The following GRIK1 variants were observed in gnomAD, a reference collection of about 807,000 sequenced individuals.
GRIK1 encodes the protein glutamate ionotropic receptor kainate type subunit 1.
In GRIK1, 69 loss-of-function variants were observed where a neutral mutation model predicts 105.7. That is an observed-to-expected ratio of 0.65 (90% confidence interval 0.54 to 0.80). GRIK1 has a LOEUF of 0.80. GRIK1 is among the 30% of genes least tolerant of loss of function. The pLI is 0.00. For missense variants in GRIK1, 1,109 were observed against 1,167.3 expected, an observed-to-expected ratio of 0.95 and a Z score of 0.73; for synonymous variants, 438 against 431.3, an observed-to-expected ratio of 1.02 and a Z score of -0.19.
intron 7 of GRIK1, among the ~76,000 whole-genome samples, chr21:29,612,079 G>A (rs1366043125): frequency 3.3e-5 from 5 of 152,184 alleles, no homozygotes; most frequent in South Asian, 2.1e-4. Flanking sequence ...GTCTGCAGGA[G>A]TAGAAACAAA....
chr21:29,756,913 A>G (rs1458981319), intron 1 of GRIK1, among the ~76,000 whole-genome samples: 2 of 152,120 alleles, frequency 1.3e-5, no homozygotes, highest in South Asian at 2.1e-4. Context: ...CAGGAATTGC[A>G]GACCAGCCTG....
chr21:29,772,385 G>A (rs758567916), intron 1 of GRIK1, among the ~76,000 whole-genome samples: 12 of 152,134 alleles, frequency 7.9e-5, no homozygotes, highest in Non-Finnish European at 1.2e-4. Flanking sequence ...AACACTCAGG[G>A]ACAACCGTTT....
chr21:29,832,403 T>C (rs1055966314), intron 1 of GRIK1, among the ~76,000 whole-genome samples: 1 of 152,198 alleles, frequency 6.6e-6, no homozygotes, highest in Non-Finnish European at 1.5e-5. Flanking sequence ...ATTGCCCTAG[T>C]AGAAGTTCTC....
chr21:29,708,512 GT>G (rs1243723513), intron 1 of GRIK1, among the ~76,000 whole-genome samples: 5 of 152,224 alleles, frequency 3.3e-5, no homozygotes, highest in African/African-American at 1.2e-4. Context: ...ACTATTTCCG[GT>G]TCTTTCCCTT....
At chr21:29,659,587 T>C (rs1342277073) in intron 4 of GRIK1, among the ~76,000 whole-genome samples, 2 of 152,200 alleles carry the variant, frequency 1.3e-5, no homozygotes, top group Non-Finnish European at 2.9e-5. Context: ...GCCACAAGAC[T>C]ATTCCATTGT....
Position 29,547,750 on chromosome 21 carries a change from G to T in GRIK1, c.2607+7302C>A, listed in dbSNP as rs114202427. Among the ~76,000 whole-genome samples the T allele has an allele frequency of 7.7e-3, 1,163 of 152,000 alleles. 17 individuals are homozygous for T. Among genetic ancestry groups the T allele is most frequent in the African/African-American group, 0.027 (1,126 of 41,266 alleles). ...AATTAATGAATGTTTGAGTTTTCAG[G>T]CAAAGGAAAACCTCTTTGCACGATT... On this transcript the variant is annotated intron_variant, in intron 16 of 17. Transcript: ENST00000327783.
intron 1 of GRIK1, among the ~76,000 whole-genome samples, chr21:29,696,790 T>C (rs1379805064): frequency 6.6e-6 from 1 of 152,210 alleles, no homozygotes; most frequent in Non-Finnish European, 1.5e-5. Context: ...ATCACTGGCA[T>C]GGATGTGAGC....
chr21:29,573,366 G>T (rs1246692576), intron 14 of GRIK1, among the ~76,000 whole-genome samples: 2 of 152,168 alleles, frequency 1.3e-5, no homozygotes, highest in Admixed American at 6.5e-5. Flanking sequence ...TCGTAATGTA[G>T]TCATTCAGGG....
At chr21:29,564,676 A>G (rs577423570) in intron 14 of GRIK1, among the ~76,000 whole-genome samples, 122 of 152,166 alleles carry the variant, frequency 8.0e-4, no homozygotes, top group Non-Finnish European at 1.4e-3. Flanking sequence ...TTTTCAATCT[A>G]TGGCAGACCT....
At chr21:29,575,956 G>A (rs1415474205) in intron 14 of GRIK1, among the ~76,000 whole-genome samples, 1 of 152,058 alleles carries the variant, frequency 6.6e-6, no homozygotes, top group Non-Finnish European at 1.5e-5. Context: ...ATGAATCTTT[G>A]ACAAGGGTGT....
chr21:29,906,903 C>T lies in GRIK1; in HGVS notation c.118+32480G>A, dbSNP rs2070659838. ...AACTTTGATTGCAACATATTCAATA[C>T]TATATGGTGCTTATTGCATTTAAAA... On this transcript the variant is annotated intron_variant, in intron 1 of 17. Transcript: ENST00000327783. Among the ~76,000 whole-genome samples the T allele has an allele frequency of 2.0e-5, 3 of 152,024 alleles. No homozygotes were observed. The South Asian group carries it at 6.2e-4, about 32-fold the overall frequency.
chr21:29,867,972 AAG>A (rs773298230), intron 1 of GRIK1, among the ~76,000 whole-genome samples: 13 of 114,452 alleles, frequency 1.1e-4, no homozygotes, highest in South Asian at 7.7e-4. Context: ...GAGAGAGAAA[AAG>A]AGAGAAAAAG....
At chr21:29,572,856 A>T (rs1378460927) in intron 14 of GRIK1, among the ~76,000 whole-genome samples, 1 of 151,676 alleles carries the variant, frequency 6.6e-6, no homozygotes, top group East Asian at 1.9e-4. Context: ...CTGCAACCTC[A>T]GCCTCCCTGG....
intron 1 of GRIK1, among the ~76,000 whole-genome samples, chr21:29,803,042 G>C (rs1401854193): frequency 6.6e-6 from 1 of 152,010 alleles, no homozygotes; most frequent in Non-Finnish European, 1.5e-5. Flanking sequence ...ATTACATAAT[G>C]CTGTAGTTTT....
chr21:29,845,387 A>G (rs2068085568), intron 1 of GRIK1, among the ~76,000 whole-genome samples: 2 of 151,936 alleles, frequency 1.3e-5, no homozygotes, highest in South Asian at 2.1e-4. Flanking sequence ...ATTCTTTTCT[A>G]TTTTGTTTTG....
intron 7 of GRIK1, among the ~76,000 whole-genome samples, chr21:29,627,497 A>G (rs2062158781): frequency 6.6e-6 from 1 of 152,204 alleles, no homozygotes; most frequent in African/African-American, 2.4e-5. Flanking sequence ...CGTGCCCCAC[A>G]CCATCACCCC....
At chr21:29,698,140 CT>C (rs2063746387) in intron 1 of GRIK1, among the ~76,000 whole-genome samples, 1 of 151,880 alleles carries the variant, frequency 6.6e-6, no homozygotes, top group African/African-American at 2.4e-5. Context: ...CGTCTGAAGG[CT>C]TTAGGGGTCT....
At chr21:29,690,020 A>G (rs1555872960) in intron 2 of GRIK1, 35 bp from the exon 3 acceptor site, 4 of 983,738 alleles carry the variant, frequency 4.1e-6, no homozygotes, top group Non-Finnish European at 6.2e-6. Flanking sequence ...ATGGGGAGGG[A>G]GGGCAGGGAA....
chr21:29,826,649 G>T (rs1473536962), intron 1 of GRIK1, among the ~76,000 whole-genome samples: 1 of 151,362 alleles, frequency 6.6e-6, no homozygotes. Flanking sequence ...TACATAGCAT[G>T]TGTGTGTGTG....
Sources: gnomAD v4.1 joint callset for allele counts (sites outside exome capture counted in the v4.1 genomes callset) on GRCh38, gnomAD v4.1.1 for gene constraint, MANE v1.5 for transcripts, NCBI Gene and HGNC (gene_info 2026-07-23, HGNC 2026-07-21) for gene names.